The following SAP130 variants were observed in gnomAD, a reference collection of about 807,000 sequenced individuals.
SAP130 encodes Sin3A associated protein 130.
A neutral mutation model predicts 103.2 loss-of-function variants in SAP130; 16 were observed. The observed-to-expected ratio is 0.16, with a 90% CI of 0.10 to 0.24. The LOEUF (loss-of-function observed/expected upper bound fraction) is 0.24, where lower values mean the gene tolerates loss of function less well. Ranked by LOEUF, SAP130 falls within the 10% of genes least tolerant of loss-of-function variation. The probability of loss-of-function intolerance (pLI) is 1.00; values close to 1 mark genes in which losing one functional copy is unlikely to be tolerated. For synonymous variants in SAP130, 477 were observed against 497.0 expected, an observed-to-expected ratio of 0.96 and a Z score of 0.53; for missense variants, 990 against 1,359.7, an observed-to-expected ratio of 0.73 and a Z score of 4.28.
intron 16 of SAP130, among the ~76,000 whole-genome samples, chr2:127,954,642 A>G (rs1358681462): frequency 1.3e-5 from 2 of 152,164 alleles, no homozygotes; most frequent in Non-Finnish European, 2.9e-5. Context: ...CTAAAGCCAT[A>G]TTGTGCCTCC....
chr2:127,962,366 T>A (rs1186026897), intron 15 of SAP130, among the ~76,000 whole-genome samples: 5 of 152,114 alleles, frequency 3.3e-5, no homozygotes, highest in Admixed American at 6.6e-5. Flanking sequence ...GACCCAGCCA[T>A]CCCATTACTG....
At chr2:127,961,046 G>C (rs1263337411) in intron 15 of SAP130, among the ~76,000 whole-genome samples, 1 of 147,170 alleles carries the variant, frequency 6.8e-6, no homozygotes, top group Non-Finnish European at 1.5e-5. Flanking sequence ...CTGGAGTACA[G>C]TGGCACGATC....
At chr2:127,995,035 C>G (rs1037824526) in intron 11 of SAP130, among the ~76,000 whole-genome samples, 1 of 66,520 alleles carries the variant, frequency 1.5e-5, no homozygotes, top group East Asian at 6.3e-4. Flanking sequence ...GTTTTTGAAA[C>G]TACTTTGTGT....
Position 128,016,276 on chromosome 2 carries a change from A to G in SAP130, c.507+113T>C, listed in dbSNP as rs1684769697. ...CTATCTTCACTTGCAGGTATCAGTG[A>G]CTGTTTGATCTTTTTTTATTACCGT... is the stretch of plus-strand genomic sequence containing the variant. On this transcript the variant is annotated intron_variant, in intron 4 of 20. Transcript: ENST00000643581. 16 of 1,098,398 alleles carry G rather than the reference A, an allele frequency of 1.5e-5. No homozygotes were observed. In the South Asian group the frequency reaches 2.3e-4, roughly 16 times the overall value. 68.0% of individuals were successfully genotyped at this position (1,098,398 alleles called of 1,614,324 possible).
At chr2:127,950,101 G>C (rs1300330616) in intron 17 of SAP130, 59 bp downstream of exon 17, 1 of 1,610,376 alleles carries the variant, frequency 6.2e-7, no homozygotes, top group Non-Finnish European at 8.5e-7. Flanking sequence ...ACGAGCCTCT[G>C]GGTTGGACTC....
At chr2:128,000,789 T>C (rs183697846) in intron 7 of SAP130, among the ~76,000 whole-genome samples, 7 of 152,142 alleles carry the variant, frequency 4.6e-5, no homozygotes, top group Admixed American at 1.3e-4. Flanking sequence ...GACACAGTGC[T>C]TTTGGGGGGC....
chr2:128,026,925 G>T (rs758626242), intron 1 of SAP130, among the ~76,000 whole-genome samples: 2 of 152,112 alleles, frequency 1.3e-5, no homozygotes, highest in Non-Finnish European at 2.9e-5. Context: ...CAGGAGCCAA[G>T]CGATCTCCCG....
intron 15 of SAP130, among the ~76,000 whole-genome samples, chr2:127,960,680 A>G (rs10183997): frequency 0.061 from 9,318 of 152,246 alleles, 734 homozygotes; most frequent in African/African-American, 0.18. Context: ...TTCAAACGAT[A>G]TATCAAGAAA....
At chr2:127,971,667 A>G (rs1168541342) in intron 15 of SAP130, among the ~76,000 whole-genome samples, 1 of 152,066 alleles carries the variant, frequency 6.6e-6, no homozygotes, top group Non-Finnish European at 1.5e-5. Context: ...TGGTATCTTC[A>G]TTAGTTCTCT....
chr2:127,965,537 C>G (rs1463284758), intron 15 of SAP130, among the ~76,000 whole-genome samples: 1 of 152,162 alleles, frequency 6.6e-6, no homozygotes, highest in Non-Finnish European at 1.5e-5. Context: ...CGCCTGTAAT[C>G]CCAGCACTTT....
chr2:128,022,931 G>A (rs1685252642), intron 2 of SAP130, among the ~76,000 whole-genome samples: 1 of 151,902 alleles, frequency 6.6e-6, no homozygotes, highest in Non-Finnish European at 1.5e-5. Context: ...CCAGGCTCAA[G>A]CGATCCTCCC....
chr2:127,950,041 C>T (rs1302991692), intron 17 of SAP130, 47 bp from the exon 18 acceptor site: 1 of 1,610,600 alleles, frequency 6.2e-7, no homozygotes, highest in Admixed American at 1.7e-5. Context: ...TGTCAACAAT[C>T]CTCAAAGTTC....
intron 2 of SAP130, among the ~76,000 whole-genome samples, chr2:128,019,984 TA>T (rs1685042417): frequency 6.6e-6 from 1 of 152,174 alleles, no homozygotes; most frequent in Non-Finnish European, 1.5e-5. Flanking sequence ...TTTTCCAAAA[TA>T]ATTTTTTTTC....
chr2:128,020,929 G>A (rs1685107892), intron 2 of SAP130, among the ~76,000 whole-genome samples: 1 of 152,134 alleles, frequency 6.6e-6, no homozygotes, highest in Admixed American at 6.5e-5. Flanking sequence ...CCAGGAGGCA[G>A]AGGTTGCAGC....
At chr2:127,970,823 G>A (rs1681030757) in intron 15 of SAP130, among the ~76,000 whole-genome samples, 1 of 152,120 alleles carries the variant, frequency 6.6e-6, no homozygotes, top group South Asian at 2.1e-4. Flanking sequence ...GCTGCATTCC[G>A]AGGTACTGGG....
chr2:127,964,494 C>CAAAAA (rs55755397), intron 15 of SAP130, among the ~76,000 whole-genome samples: 5 of 69,896 alleles, frequency 7.2e-5, no homozygotes, highest in South Asian at 5.9e-4. Context: ...AACTCCATCT[C>CAAAAA]AAAAAAAAAA....
intron 18 of SAP130, among the ~76,000 whole-genome samples, chr2:127,948,355 A>T (rs1679267387): frequency 2.0e-5 from 2 of 100,306 alleles, no homozygotes; most frequent in African/African-American, 4.1e-5. Flanking sequence ...TTTTTTTGAG[A>T]CAGAGTCTTG....
In SAP130 at chr2:127,950,653, C is replaced by T. The variant is rs147936803; in HGVS notation, c.2423-245G>A. On this transcript the variant is annotated intron_variant, in intron 16 of 20. Transcript: ENST00000643581. The stretch of plus-strand genomic sequence containing the variant: ...TTGACAAGGACACAATGATATTCAG[C>T]TAAAGAATGTACTTCCTAGCCTCCA... Among the ~76,000 whole-genome samples the T allele has an allele frequency of 2.0e-3, 306 of 152,310 alleles. 1 individual carries two copies. The highest frequency in any genetic ancestry group is 3.2e-3 in the Non-Finnish European group (220 of 68,030).
intron 4 of SAP130, among the ~76,000 whole-genome samples, chr2:128,015,431 GGTACTTCTGAGA>G (rs1342854860): frequency 1.3e-5 from 2 of 152,038 alleles, no homozygotes; most frequent in Non-Finnish European, 2.9e-5. Context: ...TAAGGGTTCT[GGTACTTCTGAGA>G]GTACTCAGCA....
Sources: gnomAD v4.1 joint callset for allele counts (sites outside exome capture counted in the v4.1 genomes callset) on GRCh38, gnomAD v4.1.1 for gene constraint, MANE v1.5 for transcripts, NCBI Gene and HGNC (gene_info 2026-07-23, HGNC 2026-07-21) for gene names.